CXADR: variants seen among roughly 807,000 people sequenced by gnomAD.
The protein encoded by CXADR is coxsackievirus and adenovirus receptor.
Under a neutral mutation model 40.3 loss-of-function variants are expected in CXADR, and 20 were observed. The observed-to-expected ratio is 0.50, with a 90% CI of 0.35 to 0.72. The LOEUF (loss-of-function observed/expected upper bound fraction) is 0.72. Ranked by LOEUF, CXADR falls within the 30% of genes least tolerant of loss-of-function variation. The pLI, the probability that CXADR is intolerant of heterozygous loss-of-function variation, is 0.01. For synonymous variants in CXADR, 150 were observed against 161.3 expected (o/e 0.93, Z 0.53); for missense variants, 332 against 449.1 (o/e 0.74, Z 2.36).
chr21:17,586,984 C>T (rs1018700970), intron 7 of CXADR, among the ~76,000 whole-genome samples: 4 of 151,990 alleles, frequency 2.6e-5, no homozygotes, highest in South Asian at 2.1e-4. Context: ...TGAGAACATG[C>T]GGTGTTTGGT....
chr21:17,518,390 T>C, intron 1 of CXADR: 2 of 481,820 alleles, frequency 4.2e-6, no homozygotes, highest in Non-Finnish European at 3.8e-6. Flanking sequence ...AGAAAAATGC[T>C]GAACAGCATT....
chr21:17,572,207 C>CAA (rs71333561), downstream of CXADR, among the ~76,000 whole-genome samples: 86,279 of 141,200 alleles, frequency 0.61, 28,706 homozygotes, highest in Non-Finnish European at 0.75. Flanking sequence ...ACTAAAAATA[C>CAA]AAAAAAAAAA....
the CXADR span, among the ~76,000 whole-genome samples, chr21:17,627,980 G>A: frequency 1.4e-4 from 21 of 152,202 alleles, no homozygotes; most frequent in Non-Finnish European, 2.6e-4. Context: ...CTAAAAGCAA[G>A]TAATTCTCTT....
At chr21:17,563,921 A>G (rs1466361045) in intron 6 of CXADR, among the ~76,000 whole-genome samples, 1 of 131,558 alleles carries the variant, frequency 7.6e-6, no homozygotes, top group Non-Finnish European at 1.7e-5. Flanking sequence ...AGCCTGGGCA[A>G]CAGAGCAAGA....
the CXADR span, among the ~76,000 whole-genome samples, chr21:17,629,078 C>T: frequency 3.3e-5 from 5 of 152,100 alleles, no homozygotes; most frequent in African/African-American, 1.2e-4. Context: ...TCTCTGTCTT[C>T]AAGGAGCTTA....
At position 17,513,079 on chromosome 21, in the gene CXADR, A is replaced by G. The variant is rs773423121; in HGVS notation, c.-51A>G. The G allele has an allele frequency of 1.8e-5, 24 of 1,334,182 alleles. No individual in the cohort carries two copies. The highest frequency in any genetic ancestry group is 4.2e-5 in the South Asian group (2 of 47,466). The allele number at this position is 1,334,182 out of a possible 1,614,324, so 82.6% of individuals were successfully genotyped here. On this transcript the variant is annotated 5_prime_UTR_variant, in exon 1 of 7. Transcript: ENST00000284878. Reference sequence around the variant, plus strand: ...CGCGAGGCGCGGGGAGCCTGGGACCAGGAGCGAGAGCCGCCTACCTGCAGC... The same window carrying G: ...CGCGAGGCGCGGGGAGCCTGGGACCGGGAGCGAGAGCCGCCTACCTGCAGC...
chr21:17,580,762 C>A (rs1189789735), intron 7 of CXADR, among the ~76,000 whole-genome samples: 1 of 151,990 alleles, frequency 6.6e-6, no homozygotes, highest in African/African-American at 2.4e-5. Flanking sequence ...TACAATGTTT[C>A]TTTTTTGAGA....
At chr21:17,598,866 C>A in the CXADR span, 5 of 1,510,826 alleles carry the variant, frequency 3.3e-6, no homozygotes, top group East Asian at 4.6e-5. Flanking sequence ...GAAGTCACAT[C>A]AGCAAAGCAA....
At chr21:17,552,090 T>A (rs1391609512) in intron 3 of CXADR, 137 bp downstream of exon 3, 3 of 653,900 alleles carry the variant, frequency 4.6e-6, no homozygotes, top group Non-Finnish European at 7.8e-6. Context: ...TACTTCTATG[T>A]TGGATAGCAT....
At chr21:17,545,699 G>A (rs1433595022) in intron 1 of CXADR, among the ~76,000 whole-genome samples, 1 of 151,440 alleles carries the variant, frequency 6.6e-6, no homozygotes, top group Non-Finnish European at 1.5e-5. Context: ...GTGATTATTG[G>A]CTTTTTCAGA....
rs151262120 is a variant in CXADR, at chr21:17,513,072, T to C, written c.-58T>C. ...GGGAGCGCGCGAGGCGCGGGGAGCC[T>C]GGGACCAGGAGCGAGAGCCGCCTAC... On this transcript the variant is annotated 5_prime_UTR_variant, in exon 1 of 7. Transcript: ENST00000284878. 3.4e-3 allele frequency: 4,523 copies of C among 1,324,324 alleles called. 186 individuals carry two copies. The East Asian group carries it at 0.098, about 29-fold the overall frequency. The allele number at this position is 1,324,324 out of a possible 1,614,324, so 82.0% of individuals were successfully genotyped here.
downstream of CXADR, among the ~76,000 whole-genome samples, chr21:17,570,489 T>C (rs1275627677): frequency 6.6e-6 from 1 of 152,150 alleles, no homozygotes; most frequent in Non-Finnish European, 1.5e-5. Flanking sequence ...GGTGAGAGCT[T>C]ACCTTCTGTT....
the CXADR span, among the ~76,000 whole-genome samples, chr21:17,611,264 G>C: frequency 6.6e-6 from 1 of 152,154 alleles, no homozygotes; most frequent in Non-Finnish European, 1.5e-5. Context: ...CTCCACTCCA[G>C]CAAAGCAAAC....
At chr21:17,545,585 C>T (rs1453664238) in intron 1 of CXADR, among the ~76,000 whole-genome samples, 1 of 151,924 alleles carries the variant, frequency 6.6e-6, no homozygotes, top group Non-Finnish European at 1.5e-5. Context: ...CACCACCACA[C>T]CCAGCTAGGC....
At chr21:17,564,822 C>T (rs923085759) in intron 6 of CXADR, among the ~76,000 whole-genome samples, 3 of 152,164 alleles carry the variant, frequency 2.0e-5, no homozygotes, top group Non-Finnish European at 4.4e-5. Flanking sequence ...GCAACTTTGG[C>T]CTCCTGGGTT....
At chr21:17,615,087 G>C in the CXADR span, among the ~76,000 whole-genome samples, 1 of 152,138 alleles carries the variant, frequency 6.6e-6, no homozygotes, top group Non-Finnish European at 1.5e-5. Context: ...TTTGGAGGTG[G>C]GGCCTTTGGG....
At chr21:17,518,877 C>T in intron 1 of CXADR, 1 of 1,567,274 alleles carries the variant, frequency 6.4e-7, no homozygotes, top group Non-Finnish European at 8.8e-7. Flanking sequence ...TTAGAGAACT[C>T]TGAAGCTTTT....
chr21:17,536,087 T>C (rs2060751824), intron 1 of CXADR, among the ~76,000 whole-genome samples: 1 of 152,214 alleles, frequency 6.6e-6, no homozygotes. Flanking sequence ...GCCAGATATT[T>C]CGAGAAGAAT....
intron 1 of CXADR, among the ~76,000 whole-genome samples, chr21:17,534,019 T>TATACAC (rs1555864921): frequency 1.2e-5 from 1 of 81,400 alleles, no homozygotes; most frequent in Non-Finnish European, 2.7e-5. Flanking sequence ...TATATATATA[T>TATACAC]ATATATATAG....
Sources: allele counts gnomAD v4.1 joint callset (sites outside exome capture counted in the v4.1 genomes callset), GRCh38; gene constraint gnomAD v4.1.1; transcripts MANE v1.5; gene names NCBI Gene and HGNC (gene_info 2026-07-23, HGNC 2026-07-21).